RHOG: variants seen among roughly 807,000 people sequenced by gnomAD.
The protein encoded by RHOG is rho-related GTP-binding protein RhoG.
RHOG carries 1 observed loss-of-function variant against 12.3 expected under a neutral mutation model. That is an observed-to-expected ratio of 0.08 (90% CI 0.03 to 0.39). The LOEUF (loss-of-function observed/expected upper bound fraction) is 0.39. Ranked by LOEUF, RHOG falls within the 10% of genes least tolerant of loss-of-function variation. RHOG has a pLI of 0.99. For missense variants in RHOG, 114 were observed against 266.2 expected, an observed-to-expected ratio of 0.43 and a Z score of 3.98; for synonymous variants, 129 against 116.0, an observed-to-expected ratio of 1.11 and a Z score of -0.72.
At chr11:3,833,254 C>G (rs1268771855) in intron 1 of RHOG, among the ~76,000 whole-genome samples, 2 of 152,010 alleles carry the variant, frequency 1.3e-5, no homozygotes, top group Non-Finnish European at 2.9e-5. Context: ...CAGGCACCAC[C>G]ACACCTGGCT....
At chr11:3,832,736 T>A (rs1214575196) in intron 1 of RHOG, among the ~76,000 whole-genome samples, 1 of 152,136 alleles carries the variant, frequency 6.6e-6, no homozygotes, top group Non-Finnish European at 1.5e-5. Flanking sequence ...CTGAACTGGG[T>A]TGAATAAGTT....
intron 1 of RHOG, among the ~76,000 whole-genome samples, chr11:3,829,042 G>C (rs970125814): frequency 1.3e-5 from 2 of 151,556 alleles, no homozygotes; most frequent in Non-Finnish European, 2.9e-5. Context: ...AAAGTGTTTT[G>C]GCACAGGACA....
Position 3,827,607 on chromosome 11 carries a change from T to C in RHOG, c.532A>G (p.Asn178Asp). 1.9e-6 allele frequency: 3 copies of C among 1,611,872 alleles called. No homozygotes were observed. Among genetic ancestry groups the C allele is most frequent in the Non-Finnish European group, 2.5e-6 (3 of 1,180,016 alleles). Residue 178 changes from asparagine to aspartate, a missense_variant, in exon 2 of 2, where the codon AAC becomes GAC. This residue lies in a region of RHOG where 61 missense variants were observed against 101.4 expected (regional missense o/e 0.60). Coordinates refer to ENST00000351018, the MANE Select transcript of RHOG (RefSeq NM_001665.4). The surrounding 1 kb of genome is among the most constrained non-coding windows in gnomAD (Gnocchi z 7.3). ...VFAEAVRAVLNPTPIKRGRSC... is the reference protein window; with the variant it reads ...VFAEAVRAVLDPTPIKRGRSC... Reference sequence around the variant, plus strand: ...CGCCCACGCTTGATCGGCGTGGGGTTGAGCACAGCCCGGACAGCCTCGGCG... The same window carrying C: ...CGCCCACGCTTGATCGGCGTGGGGTCGAGCACAGCCCGGACAGCCTCGGCG...
At chr11:3,837,202 T>A (rs768111532) in intron 1 of RHOG, among the ~76,000 whole-genome samples, 2 of 152,128 alleles carry the variant, frequency 1.3e-5, no homozygotes, top group Non-Finnish European at 2.9e-5. Context: ...CCAGTCCCTT[T>A]AGCCCCGCCC....
At chr11:3,832,499 T>A (rs1438882310) in intron 1 of RHOG, among the ~76,000 whole-genome samples, 1 of 152,140 alleles carries the variant, frequency 6.6e-6, no homozygotes, top group Non-Finnish European at 1.5e-5. Context: ...CCTCCCAGCC[T>A]CAAGGGCAGC....
intron 1 of RHOG, among the ~76,000 whole-genome samples, chr11:3,832,266 A>T (rs1401424495): frequency 6.6e-6 from 1 of 152,222 alleles, no homozygotes; most frequent in Non-Finnish European, 1.5e-5. Flanking sequence ...ATGAGGAAAC[A>T]AATTCAGAAC....
chr11:3,827,578 G>A lies in RHOG; in HGVS notation c.561C>T (p.Ser187=). Residue 187 remains serine, a synonymous_variant, in exon 2 of 2, where the codon TCC becomes TCT. Coordinates refer to ENST00000351018, the MANE Select transcript of RHOG (RefSeq NM_001665.4). This position sits in a 1 kb window ranked among gnomAD's most constrained non-coding sequence, Gnocchi z 7.3. ...LNPTPIKRGR[S]CILL is the part of the protein sequence containing the mutation. Reference sequence around the variant, plus strand: ...AGTGCCAGGGTCACAAGAGGATGCAGGACCGCCCACGCTTGATCGGCGTGG... The same window carrying A: ...AGTGCCAGGGTCACAAGAGGATGCAAGACCGCCCACGCTTGATCGGCGTGG... 1 of 1,605,570 alleles carries A rather than the reference G, an allele frequency of 6.2e-7. No homozygotes were observed. Among genetic ancestry groups the A allele is most frequent in the Non-Finnish European group, 8.5e-7 (1 of 1,178,686 alleles).
intron 1 of RHOG, among the ~76,000 whole-genome samples, chr11:3,831,703 A>G (rs897052934): frequency 6.6e-6 from 1 of 152,250 alleles, no homozygotes; most frequent in Non-Finnish European, 1.5e-5. Flanking sequence ...ACTAAGACTT[A>G]AAGCTCCTTG....
At chr11:3,828,229 A>C (rs1590473119) in intron 1 of RHOG, 23 bp from the exon 2 acceptor site, 1 of 1,230,380 alleles carries the variant, frequency 8.1e-7, no homozygotes, top group East Asian at 2.6e-5. Flanking sequence ...GAAAGGGGAC[A>C]TTCTTGGTTA....
chr11:3,837,605 G>T (rs2090165252), intron 1 of RHOG, among the ~76,000 whole-genome samples: 1 of 152,198 alleles, frequency 6.6e-6, no homozygotes, highest in Non-Finnish European at 1.5e-5. Flanking sequence ...AGAGCCAAGA[G>T]AAACCAAGTT....
intron 1 of RHOG, among the ~76,000 whole-genome samples, chr11:3,833,402 G>A (rs1353244019): frequency 6.6e-6 from 1 of 152,194 alleles, no homozygotes; most frequent in Non-Finnish European, 1.5e-5. Context: ...TTATGGGCGT[G>A]GGCCACCATG....
intron 1 of RHOG, among the ~76,000 whole-genome samples, chr11:3,832,462 C>G (rs1228506182): frequency 1.3e-5 from 2 of 152,140 alleles, no homozygotes; most frequent in Admixed American, 1.3e-4. Context: ...GTTTCTTTAT[C>G]TGTACAGTAG....
At chr11:3,837,207 C>T (rs1040487125) in intron 1 of RHOG, among the ~76,000 whole-genome samples, 5 of 152,142 alleles carry the variant, frequency 3.3e-5, no homozygotes, top group Admixed American at 6.5e-5. Flanking sequence ...CCCTTTAGCC[C>T]CGCCCGAGGC....
chr11:3,831,110 A>G (rs1335418928), intron 1 of RHOG, among the ~76,000 whole-genome samples: 1 of 151,306 alleles, frequency 6.6e-6, no homozygotes, highest in African/African-American at 2.4e-5. Flanking sequence ...TCTCCATTTC[A>G]CTTGCTATAC....
chr11:3,828,234 T>C, intron 1 of RHOG, 28 bp from the exon 2 acceptor site: 3 of 1,176,170 alleles, frequency 2.6e-6, no homozygotes, highest in Non-Finnish European at 3.6e-6. Flanking sequence ...GGGACATTCT[T>C]GGTTAGGGAG....
rs1160228051 is a variant in RHOG, at chr11:3,836,889, C to A, written c.-69+4005G>T. Among the ~76,000 whole-genome samples the A allele has an allele frequency of 3.2e-5, 3 of 94,994 alleles. No homozygotes were observed. The East Asian group carries it at 9.4e-4, about 30-fold the overall frequency. 62.3% of individuals were successfully genotyped at this position (94,994 alleles called of 152,430 possible). On this transcript the variant is annotated intron_variant, in intron 1 of 1. Coordinates refer to ENST00000351018, the MANE Select transcript of RHOG (RefSeq NM_001665.4). ...TTGCACTCCAGCCTGGGTGACAGAG[C>A]AAGACTCCATCTCAAAAAAAAAAAA...
At position 3,827,651 on chromosome 11, in the gene RHOG, T is replaced by A; in HGVS notation, c.488A>T (p.Asp163Val). Residue 163 changes from aspartate (D) to valine (V), a missense_variant, in exon 2 of 2, where the codon GAT becomes GTT. This residue lies in a region of RHOG where 61 missense variants were observed against 101.4 expected (regional missense o/e 0.60). Coordinates refer to ENST00000351018, the MANE Select transcript of RHOG (RefSeq NM_001665.4). This position sits in a 1 kb window ranked among gnomAD's most constrained non-coding sequence, Gnocchi z 7.3. ...CTCGGCGAACACTTCCTTGACACCA[T>A]CCTGTTGCAGGGCTGAGCATTCGAG... ...RYLECSALQQ[D>V]GVKEVFAEAV... 6.2e-7 allele frequency: 1 copy of A among 1,613,884 alleles called. No homozygotes were observed. Among genetic ancestry groups the A allele is most frequent in the Non-Finnish European group, 8.5e-7 (1 of 1,180,014 alleles).
intron 1 of RHOG, among the ~76,000 whole-genome samples, chr11:3,830,370 T>C (rs930917290): frequency 6.6e-6 from 1 of 152,030 alleles, no homozygotes; most frequent in Non-Finnish European, 1.5e-5. Flanking sequence ...GAATATGAAA[T>C]GAGGCCAGGC....
rs762777142 is a variant in RHOG at position 3,827,756 on chromosome 11, C to T, written c.383G>A (p.Arg128His). Residue 128 changes from arginine to histidine, a missense_variant, in exon 2 of 2, where the codon CGC (arginine) becomes CAC (histidine). Coordinates refer to ENST00000351018, the MANE Select transcript of RHOG (RefSeq NM_001665.4). The surrounding 1 kb of genome is among the most constrained non-coding windows in gnomAD (Gnocchi z 7.3). ...DLRAQPDTLR[R>H]LKEQGQAPIT... The stretch of plus-strand genomic sequence containing the variant: ...GGGCGCCTGGCCCTGCTCCTTGAGG[C>T]GCCGTAGGGTGTCAGGCTGGGCTCT... The T allele has an allele frequency of 1.1e-5, 18 of 1,613,828 alleles. No individual in the cohort carries two copies. The highest frequency in any genetic ancestry group is 6.7e-5 in the East Asian group (3 of 44,878).
Sources: allele counts gnomAD v4.1 joint callset (sites outside exome capture counted in the v4.1 genomes callset), GRCh38; gene constraint gnomAD v4.1.1; regional missense constraint gnomAD v4.1.1; non-coding constraint Gnocchi (gnomAD v3.1); transcripts MANE v1.5; gene names NCBI Gene and HGNC (gene_info 2026-07-23, HGNC 2026-07-21).